Variants in VPS26C observed in about 807,000 individuals in gnomAD.
The protein encoded by VPS26C is VPS26 endosomal protein sorting factor C.
In VPS26C, 19 loss-of-function variants were observed where a neutral mutation model predicts 30.6. The ratio of observed to expected loss-of-function variants is 0.62; its 90% CI spans 0.43 to 0.91. The LOEUF (loss-of-function observed/expected upper bound fraction) is 0.91, where lower values mean the gene tolerates loss of function less well. Ranked by LOEUF, VPS26C falls within the 40% of genes least tolerant of loss-of-function variation. VPS26C has a pLI of 0.00. For missense variants in VPS26C, 318 were observed against 385.1 expected (o/e 0.83, Z 1.46); for synonymous variants, 132 against 151.5 (o/e 0.87, Z 0.95).
chr21:37,267,340 C>A (rs762897818), upstream of VPS26C: 3 of 1,583,598 alleles, frequency 1.9e-6, no homozygotes, highest in South Asian at 3.3e-5. Flanking sequence ...CGCGTGACCC[C>A]AGGGAAACAA....
At chr21:37,238,320 C>T (rs1040954831) in intron 3 of VPS26C, 140 bp downstream of exon 3, 5 of 930,112 alleles carry the variant, frequency 5.4e-6, no homozygotes, top group East Asian at 2.8e-5. Context: ...GAGAAATTAA[C>T]GTCGAATATA....
intron 1 of VPS26C, among the ~76,000 whole-genome samples, chr21:37,255,263 C>T (rs1383118956): frequency 6.6e-6 from 1 of 152,040 alleles, no homozygotes; most frequent in East Asian, 1.9e-4. Flanking sequence ...GCTCCTTTCC[C>T]AAAGGTGAAG....
chr21:37,259,238 G>A (rs889015781), intron 1 of VPS26C, among the ~76,000 whole-genome samples: 2 of 151,592 alleles, frequency 1.3e-5, no homozygotes, highest in African/African-American at 4.8e-5. Context: ...TAGCATTTTA[G>A]CTTTGCAATT....
intron 1 of VPS26C, among the ~76,000 whole-genome samples, chr21:37,258,340 T>C (rs2086267267): frequency 6.9e-6 from 1 of 144,306 alleles, no homozygotes; most frequent in Admixed American, 6.9e-5. Flanking sequence ...CATTCACCTT[T>C]CGACACAGCC....
intron 3 of VPS26C, among the ~76,000 whole-genome samples, chr21:37,235,719 A>G (rs892181594): frequency 6.6e-6 from 1 of 152,062 alleles, no homozygotes; most frequent in East Asian, 1.9e-4. Context: ...AAAGACAAAC[A>G]TGAACGCAAC....
At chr21:37,245,224 G>T (rs2148296358) in intron 1 of VPS26C, among the ~76,000 whole-genome samples, 1 of 152,334 alleles carries the variant, frequency 6.6e-6, no homozygotes, top group East Asian at 1.9e-4. Context: ...GCAGATGAAT[G>T]CGAAAGCCAG....
intron 1 of VPS26C, among the ~76,000 whole-genome samples, chr21:37,256,061 C>G (rs1015523556): frequency 4.6e-5 from 7 of 152,080 alleles, no homozygotes; most frequent in Admixed American, 6.6e-5. Flanking sequence ...GTCTTGAACT[C>G]CTGACCTCAG....
chr21:37,258,441 G>C (rs764154), intron 1 of VPS26C, among the ~76,000 whole-genome samples: 4 of 152,234 alleles, frequency 2.6e-5, no homozygotes, highest in African/African-American at 9.6e-5. Flanking sequence ...CATTCCCAGC[G>C]CCCCGAACCT....
chr21:37,245,757 G>C (rs1307583561), intron 1 of VPS26C, among the ~76,000 whole-genome samples: 1 of 152,120 alleles, frequency 6.6e-6, no homozygotes, highest in Non-Finnish European at 1.5e-5. Context: ...TGAAAATGGT[G>C]AATGTGCATT....
intron 1 of VPS26C, among the ~76,000 whole-genome samples, chr21:37,242,984 A>G (rs1056238262): frequency 6.6e-6 from 1 of 152,164 alleles, no homozygotes; most frequent in African/African-American, 2.4e-5. Flanking sequence ...GGTTTATTCA[A>G]CTCCTACCAA....
At chr21:37,253,992 C>T (rs968684313) in intron 1 of VPS26C, among the ~76,000 whole-genome samples, 4 of 152,150 alleles carry the variant, frequency 2.6e-5, no homozygotes, top group African/African-American at 7.2e-5. Context: ...AGTTGACATT[C>T]GTTTGGAACT....
rs547122312 is a variant in VPS26C, at chr21:37,242,612, A to C, written c.58-1973T>G. Among the ~76,000 whole-genome samples the C allele has an allele frequency of 3.6e-4, 55 of 152,284 alleles. 1 individual carries two copies. Among genetic ancestry groups the C allele is most frequent in the African/African-American group, 1.3e-3 (55 of 41,556 alleles). ...AAAAAAGAAAAAAAAATTTAAATCC[A>C]CTAGTATATTTTTTAAAGTTTACTT... is the stretch of plus-strand genomic sequence containing the variant. On this transcript the variant is annotated intron_variant, in intron 1 of 7. Coordinates refer to ENST00000309117, the MANE Select transcript of VPS26C (RefSeq NM_006052.2).
Position 37,257,510 on chromosome 21 carries a change from T to G in VPS26C, c.57+9728A>C, listed in dbSNP as rs553752775. Among the ~76,000 whole-genome samples, 3 of 152,230 alleles carry G rather than the reference T, an allele frequency of 2.0e-5. No individual in the cohort carries two copies. The highest frequency in any genetic ancestry group is 2.1e-4 in the South Asian group (1 of 4,826). ...ACCTAGAAAAGTAACTGGGTTGGGG[T>G]GGGGGTGTAGCCACATGCAGTAAAA... On this transcript the variant is annotated intron_variant, in intron 1 of 7. Transcript: ENST00000309117. The surrounding 1 kb of genome is among the most constrained non-coding windows in gnomAD (Gnocchi z 4.2).
At chr21:37,260,486 G>A (rs558152618) in intron 1 of VPS26C, among the ~76,000 whole-genome samples, 6 of 152,192 alleles carry the variant, frequency 3.9e-5, no homozygotes, top group Admixed American at 2.6e-4. Flanking sequence ...GTTTGAGACC[G>A]ACCTGGGCAA....
Position 37,227,800 on chromosome 21 carries a change from G to T in VPS26C, c.665C>A (p.Ala222Glu). 6.2e-7 allele frequency: 1 copy of T among 1,613,872 alleles called. No individual in the cohort carries two copies. ...QLVRVETCGC[A>E]EGYARDATEI... Reference sequence around the variant, plus strand: ...CGTGGCGTCGCGGGCATAGCCTTCTGCACACCCTGCGGGAGGGAGGCCACA... The same window carrying T: ...CGTGGCGTCGCGGGCATAGCCTTCTTCACACCCTGCGGGAGGGAGGCCACA... Residue 222 changes from alanine (A) to glutamate (E), a missense_variant, in exon 7 of 8, where the codon GCA becomes GAA. Coordinates refer to ENST00000309117, the MANE Select transcript of VPS26C (RefSeq NM_006052.2).
At chr21:37,254,076 TGGAATTGGCATA>T (rs1259471537) in intron 1 of VPS26C, among the ~76,000 whole-genome samples, 1 of 152,142 alleles carries the variant, frequency 6.6e-6, no homozygotes, top group Non-Finnish European at 1.5e-5. Context: ...CAAAGGAGCC[TGGAATTGGCATA>T]ATTACAGGCC....
At chr21:37,248,721 A>G (rs1295328675) in intron 1 of VPS26C, among the ~76,000 whole-genome samples, 3 of 151,764 alleles carry the variant, frequency 2.0e-5, no homozygotes, top group Non-Finnish European at 4.4e-5. Flanking sequence ...CTTAAAAAAA[A>G]AAAAAAAGCC....
At chr21:37,265,910 C>CTTTTTTTTT (rs59649054) in intron 1 of VPS26C, among the ~76,000 whole-genome samples, 10 of 77,220 alleles carry the variant, frequency 1.3e-4, no homozygotes, top group East Asian at 4.4e-4. Flanking sequence ...AGCTTTTTCT[C>CTTTTTTTTT]TTTTTTTTTT....
intron 3 of VPS26C, among the ~76,000 whole-genome samples, chr21:37,236,915 G>A (rs1409364473): frequency 6.6e-6 from 1 of 152,218 alleles, no homozygotes; most frequent in Non-Finnish European, 1.5e-5. Flanking sequence ...TGTACACACA[G>A]CTCTGCAGCA....
Sources: gnomAD v4.1 joint callset for allele counts (sites outside exome capture counted in the v4.1 genomes callset) on GRCh38, gnomAD v4.1.1 for gene constraint, Gnocchi (gnomAD v3.1) non-coding constraint, MANE v1.5 for transcripts, NCBI Gene and HGNC (gene_info 2026-07-23, HGNC 2026-07-21) for gene names.